The following PCDH15 variants were observed in gnomAD, a reference collection of about 807,000 sequenced individuals.
PCDH15 encodes protocadherin-15.
A neutral mutation model predicts 178.5 loss-of-function variants in PCDH15; 129 were observed. The ratio of observed to expected loss-of-function variants is 0.72; its 90% CI spans 0.63 to 0.84. The LOEUF (loss-of-function observed/expected upper bound fraction) is 0.84. PCDH15 is among the 40% of genes least tolerant of loss of function. The pLI, the probability that PCDH15 is intolerant of heterozygous loss-of-function variation, is 0.00. For missense variants in PCDH15, 2,230 were observed against 2,099.9 expected, an observed-to-expected ratio of 1.06 and a Z score of -1.21; for synonymous variants, 800 against 732.0, an observed-to-expected ratio of 1.09 and a Z score of -1.50.
At chr10:54,678,284 T>C (rs1440223949) in intron 1 of PCDH15, among the ~76,000 whole-genome samples, 1 of 152,206 alleles carries the variant, frequency 6.6e-6, no homozygotes, top group Non-Finnish European at 1.5e-5. Flanking sequence ...GCCTCATGTA[T>C]TGATTTATGC....
At chr10:54,748,710 T>C (rs1301679421) in intron 1 of PCDH15, among the ~76,000 whole-genome samples, 2 of 152,192 alleles carry the variant, frequency 1.3e-5, no homozygotes, top group African/African-American at 2.4e-5. Context: ...AGGCCTTAGT[T>C]TGTCAACACT....
At chr10:53,816,186 T>C (rs143751327) in intron 35 of PCDH15, 53 bp downstream of exon 35, 2 of 398,622 alleles carry the variant, frequency 5.0e-6, no homozygotes, top group African/African-American at 4.1e-5. Flanking sequence ...ACAATAGATC[T>C]TAAAGTCACA....
chr10:55,421,529 T>A (rs935636357), intron 2 of PCDH15, among the ~76,000 whole-genome samples: 13 of 150,316 alleles, frequency 8.6e-5, no homozygotes, highest in Admixed American at 1.3e-4. Context: ...TTTGAATCTA[T>A]CTTCTACTAA....
intron 3 of PCDH15, among the ~76,000 whole-genome samples, chr10:54,400,346 A>C (rs1375721839): frequency 1.3e-5 from 2 of 152,106 alleles, no homozygotes; most frequent in African/African-American, 2.4e-5. Context: ...AAGGTGGATA[A>C]AATATTTCTT....
intron 2 of PCDH15, among the ~76,000 whole-genome samples, chr10:54,947,853 C>CT (rs1269332781): frequency 1.3e-5 from 2 of 151,744 alleles, no homozygotes; most frequent in Non-Finnish European, 2.9e-5. Flanking sequence ...TTCTTAAATC[C>CT]TTTTTTTATT....
intron 2 of PCDH15, among the ~76,000 whole-genome samples, chr10:55,351,481 A>C (rs1844931946): frequency 6.6e-6 from 1 of 152,158 alleles, no homozygotes; most frequent in African/African-American, 2.4e-5. Flanking sequence ...AATCTGGAAC[A>C]TAAAACAATA....
chr10:55,433,082 G>T (rs895172644), intron 2 of PCDH15, among the ~76,000 whole-genome samples: 5 of 151,716 alleles, frequency 3.3e-5, no homozygotes, highest in Non-Finnish European at 7.4e-5. Flanking sequence ...ATTCGACCCA[G>T]CAATTTCATT....
chr10:55,155,702 A>G (rs1838866214), intron 2 of PCDH15, among the ~76,000 whole-genome samples: 2 of 152,092 alleles, frequency 1.3e-5, no homozygotes, highest in African/African-American at 4.8e-5. Context: ...GTTTCCTTAA[A>G]GAGTTTGTCT....
intron 2 of PCDH15, among the ~76,000 whole-genome samples, chr10:54,552,830 T>C (rs899234524): frequency 6.6e-6 from 1 of 152,200 alleles, no homozygotes; most frequent in Admixed American, 6.5e-5. Flanking sequence ...CTAGGAAATT[T>C]CTGTTCATCA....
At chr10:54,381,145 G>A (rs1038695806) in intron 3 of PCDH15, among the ~76,000 whole-genome samples, 9 of 151,838 alleles carry the variant, frequency 5.9e-5, no homozygotes, top group African/African-American at 2.2e-4. Context: ...AGAGAGCAAA[G>A]CTTAGGCAGA....
At chr10:54,195,604 CAT>C (rs2049521827) in intron 11 of PCDH15, 77 bp downstream of exon 11, 1 of 1,196,360 alleles carries the variant, frequency 8.4e-7, no homozygotes. Context: ...CTTATGTAGC[CAT>C]ATCTTTGTCA....
chr10:55,614,268 T>G (rs1256305684), intron 2 of PCDH15, among the ~76,000 whole-genome samples: 1 of 152,200 alleles, frequency 6.6e-6, no homozygotes, highest in Non-Finnish European at 1.5e-5. Context: ...AACAGAGATG[T>G]TCGTTTTCTT....
chr10:54,693,775 A>T (rs1427615701), intron 1 of PCDH15, among the ~76,000 whole-genome samples: 1 of 152,162 alleles, frequency 6.6e-6, no homozygotes, highest in Non-Finnish European at 1.5e-5. Flanking sequence ...TCAATCAAGT[A>T]CAGAAGTTAA....
chr10:54,623,765 A>C (rs1238451516), intron 2 of PCDH15, among the ~76,000 whole-genome samples: 1 of 152,124 alleles, frequency 6.6e-6, no homozygotes, highest in Non-Finnish European at 1.5e-5. Flanking sequence ...CAAACCATTA[A>C]AATTTTTATG....
intron 3 of PCDH15, among the ~76,000 whole-genome samples, chr10:54,442,687 A>C (rs560957185): frequency 3.3e-5 from 5 of 151,016 alleles, no homozygotes; most frequent in Admixed American, 1.3e-4. Flanking sequence ...CTTAAAAATG[A>C]TTAAAATGCA....
intron 6 of PCDH15, among the ~76,000 whole-genome samples, chr10:54,338,590 T>C (rs1025663297): frequency 1.3e-5 from 2 of 152,122 alleles, no homozygotes; most frequent in African/African-American, 4.8e-5. Context: ...GTCAAACATA[T>C]TACAAAAGAA....
In PCDH15 at chr10:55,040,507, A is replaced by ACAACAG. The variant is rs1240731078; in HGVS notation, c.-80+126068_-80+126069insCTGTTG. Among the ~76,000 whole-genome samples the ACAACAG allele has an allele frequency of 2.6e-5, 4 of 151,974 alleles. No individual in the cohort carries two copies. The East Asian group carries it at 7.7e-4, about 29-fold the overall frequency. ...AACCAAAACAACTACAACAACAACA[A>ACAACAG]CAACAACAACAACAACAAAAACACA... On this transcript the variant is annotated intron_variant, in intron 2 of 5. Transcript: ENST00000458638.
chr10:54,593,826 A>G (rs12240460), intron 2 of PCDH15, among the ~76,000 whole-genome samples: 2,704 of 152,078 alleles, frequency 0.018, 83 homozygotes, highest in African/African-American at 0.063. Context: ...TCCATGGATG[A>G]ATGTTTTTTC....
At chr10:53,910,173 T>TTGAGCTC (rs1006395561) in intron 25 of PCDH15, among the ~76,000 whole-genome samples, 23 of 152,152 alleles carry the variant, frequency 1.5e-4, no homozygotes, top group Admixed American at 1.0e-3. Context: ...AGCACGGTAT[T>TTGAGCTC]TGAGCTCTGA....
Sources: allele counts gnomAD v4.1 joint callset (sites outside exome capture counted in the v4.1 genomes callset), GRCh38; gene constraint gnomAD v4.1.1; transcripts MANE v1.5; gene names NCBI Gene and HGNC (gene_info 2026-07-23, HGNC 2026-07-21).